The following ERN1 variants were observed in gnomAD, a reference collection of about 807,000 sequenced individuals.
ERN1 encodes serine/threonine-protein kinase/endoribonuclease IRE1.
In ERN1, 39 loss-of-function variants were observed where a neutral mutation model predicts 113.1. The observed-to-expected ratio is 0.34, with a 90% CI of 0.27 to 0.45. ERN1 has a LOEUF of 0.45. Ranked by LOEUF, ERN1 falls within the 20% of genes least tolerant of loss-of-function variation. The probability of loss-of-function intolerance (pLI) is 1.00; values close to 1 mark genes in which losing one functional copy is unlikely to be tolerated. For synonymous variants in ERN1, 507 were observed against 515.9 expected, an observed-to-expected ratio of 0.98 and a Z score of 0.23; for missense variants, 976 against 1,274.8, an observed-to-expected ratio of 0.77 and a Z score of 3.57.
intron 3 of ERN1, 95 bp downstream of exon 3, chr17:64,080,680 C>T: frequency 9.0e-7 from 1 of 1,117,026 alleles, no homozygotes; most frequent in South Asian, 1.4e-5. Context: ...CTCAAACTTA[C>T]ACATATATGC....
chr17:64,071,895 G>T, intron 6 of ERN1, 86 bp downstream of exon 6: 1 of 1,467,502 alleles, frequency 6.8e-7, no homozygotes, highest in Non-Finnish European at 9.3e-7. Flanking sequence ...AGCAGCTCTG[G>T]CCACCTTCTA....
rs1912437929 is a variant in ERN1, at chr17:64,044,231, G to A, written c.2722-31C>T. 1 of 1,449,494 alleles carries A rather than the reference G, an allele frequency of 6.9e-7. No individual in the cohort carries two copies. Among genetic ancestry groups the A allele is most frequent in the Non-Finnish European group, 9.2e-7 (1 of 1,085,444 alleles). 89.8% of individuals were successfully genotyped at this position (1,449,494 alleles called of 1,614,324 possible). A position where few individuals can be genotyped will look rare whatever the true frequency, so the allele number is the denominator to read the frequency against. On this transcript the variant is annotated intron_variant, in intron 21 of 21. Coordinates refer to ENST00000433197, the MANE Select transcript of ERN1 (RefSeq NM_001433.5). The surrounding 1 kb of genome is among the most constrained non-coding windows in gnomAD (Gnocchi z 4.1). ...AAGAGTTAGAAAGCTCGGGAGATTA[G>A]AAAGGGGTTAGAAAGCTCGGGAAAT... is the stretch of plus-strand genomic sequence containing the variant.
At chr17:64,070,744 A>G (rs944315442) in intron 6 of ERN1, among the ~76,000 whole-genome samples, 8 of 152,134 alleles carry the variant, frequency 5.3e-5, no homozygotes, top group Non-Finnish European at 1.2e-4. Context: ...AATTCATCCT[A>G]GGTTTTTGGT....
intron 17 of ERN1, among the ~76,000 whole-genome samples, chr17:64,051,877 TG>T (rs1375547295): frequency 6.6e-6 from 1 of 152,206 alleles, no homozygotes; most frequent in Non-Finnish European, 1.5e-5. Context: ...TATTAACTGT[TG>T]AGGTGGGATA....
intron 1 of ERN1, among the ~76,000 whole-genome samples, chr17:64,105,006 G>A (rs887187726): frequency 2.1e-5 from 3 of 146,186 alleles, no homozygotes; most frequent in Admixed American, 6.6e-5. Context: ...AAAAAAAAAG[G>A]CGTGTACACA....
At position 64,085,588 on chromosome 17, in the gene ERN1, C is replaced by T. The variant is rs1001224711; in HGVS notation, c.176-4780G>A. ...TTGGAGGGTCAAATATTCAAACTAG[C>T]GCAGTTTCTTTCCTACTTCCACTCT... On this transcript the variant is annotated intron_variant, in intron 2 of 21. Coordinates refer to ENST00000433197, the MANE Select transcript of ERN1 (RefSeq NM_001433.5). 2.0e-5 allele frequency among the ~76,000 whole-genome samples: 3 copies of T among 152,254 alleles called. No individual in the cohort carries two copies. The East Asian group carries it at 5.8e-4, about 29-fold the overall frequency.
At position 64,045,485 on chromosome 17, in the gene ERN1, G is replaced by T; in HGVS notation, c.2530-3C>A. 6.2e-7 allele frequency: 1 copy of T among 1,613,922 alleles called. No homozygotes were observed. ...TTTTCTATTCTGTCGCTCACGTCCT[G>T]TGAGAGAAACAAGGGCAGCAGATGA... On this transcript the variant is annotated splice_region_variant and splice_polypyrimidine_tract_variant and intron_variant, in intron 19 of 21. Coordinates refer to ENST00000433197, the MANE Select transcript of ERN1 (RefSeq NM_001433.5).
chr17:64,071,008 A>G (rs1913396352), intron 6 of ERN1, among the ~76,000 whole-genome samples: 1 of 152,230 alleles, frequency 6.6e-6, no homozygotes, highest in Non-Finnish European at 1.5e-5. Context: ...CTGATATTCT[A>G]GTGAGGGAGG....
chr17:64,056,022 T>G, intron 12 of ERN1, 74 bp from the exon 13 acceptor site: 1 of 1,468,616 alleles, frequency 6.8e-7, no homozygotes. Context: ...AAGGGACAGG[T>G]CCCAGTGGCG....
At chr17:64,065,417 G>T in intron 8 of ERN1, 130 bp from the exon 9 acceptor site, 1 of 635,912 alleles carries the variant, frequency 1.6e-6, no homozygotes. Context: ...GAGGAACGCA[G>T]TAGGGGTGTG....
At position 64,118,498 on chromosome 17, in the gene ERN1, T is replaced by C. The variant is rs148024094; in HGVS notation, c.54+11478A>G. 4.7e-3 allele frequency among the ~76,000 whole-genome samples: 716 copies of C among 152,344 alleles called. 6 individuals are homozygous for C. Among genetic ancestry groups the C allele is most frequent in the Admixed American group, 9.9e-3 (152 of 15,296 alleles). ...AAGTTAAATTAGGAAACAGCCCTGG[T>C]GCTGGAGTCCACACAGCGCTTTCAG... On this transcript the variant is annotated intron_variant, in intron 1 of 21. Coordinates refer to ENST00000433197, the MANE Select transcript of ERN1 (RefSeq NM_001433.5).
chr17:64,108,586 C>T (rs907818981), intron 1 of ERN1, among the ~76,000 whole-genome samples: 3 of 152,118 alleles, frequency 2.0e-5, no homozygotes, highest in African/African-American at 7.2e-5. Flanking sequence ...AGTGGCTGAG[C>T]TTTAGAATGC....
chr17:64,088,097 G>A (rs1164169691), intron 2 of ERN1, among the ~76,000 whole-genome samples: 1 of 152,188 alleles, frequency 6.6e-6, no homozygotes, highest in South Asian at 2.1e-4. Flanking sequence ...AGATCCCTTT[G>A]ATTACAGAAG....
intron 11 of ERN1, among the ~76,000 whole-genome samples, chr17:64,060,011 T>C (rs1913001924): frequency 6.6e-6 from 1 of 152,044 alleles, no homozygotes; most frequent in Non-Finnish European, 1.5e-5. Context: ...CTTAAACTCC[T>C]CCACAGGGCT....
chr17:64,125,337 T>C (rs1915052706), intron 1 of ERN1, among the ~76,000 whole-genome samples: 1 of 152,096 alleles, frequency 6.6e-6, no homozygotes, highest in African/African-American at 2.4e-5. Flanking sequence ...CATAAAATAA[T>C]TGAAAAAATG....
At chr17:64,067,624 A>T (rs1392957823) in intron 7 of ERN1, among the ~76,000 whole-genome samples, 1 of 151,836 alleles carries the variant, frequency 6.6e-6, no homozygotes, top group Admixed American at 6.6e-5. Context: ...AAAACAACAA[A>T]AAAACACCCT....
chr17:64,072,940 C>T (rs1913466958), intron 5 of ERN1, among the ~76,000 whole-genome samples: 1 of 151,918 alleles, frequency 6.6e-6, no homozygotes, highest in African/African-American at 2.4e-5. Context: ...GGAAAAGTCT[C>T]CTGTTTTGGA....
rs1430483142 is a variant in ERN1 at position 64,049,021 on chromosome 17, A to C, written c.2401+34T>G. 19 of 1,523,206 alleles carry C rather than the reference A, an allele frequency of 1.2e-5. No homozygotes were observed. The East Asian group carries it at 4.0e-4, about 32-fold the overall frequency. 94.4% of individuals were successfully genotyped at this position (1,523,206 alleles called of 1,614,324 possible). A position where few individuals can be genotyped will look rare whatever the true frequency, so the allele number is the denominator to read the frequency against. Reference sequence around the variant, plus strand: ...GCAGGGCCACCTGAGGCAGCTGAGGAGCTGCTCCCAACCCCAACCCCTGGA... The same window carrying C: ...GCAGGGCCACCTGAGGCAGCTGAGGCGCTGCTCCCAACCCCAACCCCTGGA... On this transcript the variant is annotated intron_variant, in intron 18 of 21. Transcript: ENST00000433197. This position sits in a 1 kb window ranked among gnomAD's most constrained non-coding sequence, Gnocchi z 4.7.
At chr17:64,074,757 C>T (rs1913534197) in intron 5 of ERN1, among the ~76,000 whole-genome samples, 1 of 152,162 alleles carries the variant, frequency 6.6e-6, no homozygotes, top group South Asian at 2.1e-4. Context: ...TTTATCTAGG[C>T]AAGCTATTAA....
Sources: gnomAD v4.1 joint callset for allele counts (sites outside exome capture counted in the v4.1 genomes callset) on GRCh38, gnomAD v4.1.1 for gene constraint, Gnocchi (gnomAD v3.1) non-coding constraint, MANE v1.5 for transcripts, NCBI Gene and HGNC (gene_info 2026-07-23, HGNC 2026-07-21) for gene names.